SPIDR: variants seen among roughly 807,000 people sequenced by gnomAD.
SPIDR encodes the protein DNA repair-scaffolding protein.
In SPIDR, 93 loss-of-function variants were observed where a neutral mutation model predicts 104.6. That is an observed-to-expected ratio of 0.89 (90% CI 0.75 to 1.06). The LOEUF (loss-of-function observed/expected upper bound fraction) is 1.06, where lower values mean the gene tolerates loss of function less well. Among genes scored for constraint, SPIDR ranks in the 50% least tolerant of loss-of-function variants. The pLI is 0.00. For synonymous variants in SPIDR, 431 were observed against 416.9 expected, an observed-to-expected ratio of 1.03 and a Z score of -0.41; for missense variants, 1,154 against 1,111.2, an observed-to-expected ratio of 1.04 and a Z score of -0.55.
chr8:47,522,981 TA>T (rs1371431877), intron 8 of SPIDR, among the ~76,000 whole-genome samples: 2 of 151,790 alleles, frequency 1.3e-5, no homozygotes, highest in Non-Finnish European at 2.9e-5. Context: ...TCTTTCTTTC[TA>T]TTTTTTATTT....
chr8:47,618,304 A>G (rs2064630502), intron 10 of SPIDR, among the ~76,000 whole-genome samples: 1 of 152,126 alleles, frequency 6.6e-6, no homozygotes, highest in Non-Finnish European at 1.5e-5. Flanking sequence ...GGCTATCATT[A>G]TTCAGTCTTG....
intron 8 of SPIDR, among the ~76,000 whole-genome samples, chr8:47,444,744 T>A: frequency 6.6e-6 from 1 of 152,216 alleles, no homozygotes; most frequent in East Asian, 1.9e-4. Context: ...GATATATGAT[T>A]TCCATAGTAA....
intron 10 of SPIDR, among the ~76,000 whole-genome samples, chr8:47,602,671 G>A (rs1467069572): frequency 6.6e-6 from 1 of 152,110 alleles, no homozygotes; most frequent in Non-Finnish European, 1.5e-5. Context: ...CCCAGTCCTC[G>A]GTCAGTGTCA....
chr8:47,274,843 G>A (rs2036056675), intron 1 of SPIDR, among the ~76,000 whole-genome samples: 1 of 151,194 alleles, frequency 6.6e-6, no homozygotes, highest in African/African-American at 2.4e-5. Flanking sequence ...CAAAGTGCTG[G>A]GATTACAGGC....
At chr8:47,448,261 T>C (rs2071053337) in intron 8 of SPIDR, among the ~76,000 whole-genome samples, 1 of 152,238 alleles carries the variant, frequency 6.6e-6, no homozygotes, top group Admixed American at 6.5e-5. Flanking sequence ...CCTAGAATAA[T>C]GCTTGAAACA....
chr8:47,454,836 C>G (rs1162681396), intron 8 of SPIDR, among the ~76,000 whole-genome samples: 1 of 151,756 alleles, frequency 6.6e-6, no homozygotes, highest in Admixed American at 6.6e-5. Context: ...TGTGAACAGC[C>G]ACTGCATTCC....
At chr8:47,289,882 T>G (rs1034263006) in intron 3 of SPIDR, among the ~76,000 whole-genome samples, 3 of 152,144 alleles carry the variant, frequency 2.0e-5, no homozygotes, top group Non-Finnish European at 2.9e-5. Flanking sequence ...AGGTGAATGA[T>G]TAAACAAACT....
intron 10 of SPIDR, among the ~76,000 whole-genome samples, chr8:47,663,556 A>G (rs149377191): frequency 6.6e-6 from 1 of 152,322 alleles, no homozygotes; most frequent in Non-Finnish European, 1.5e-5. Context: ...ATCTTGTGAC[A>G]CTTACTTCAT....
chr8:47,298,941 C>G (rs1475767900), intron 5 of SPIDR, among the ~76,000 whole-genome samples: 2 of 150,838 alleles, frequency 1.3e-5, no homozygotes, highest in Non-Finnish European at 3.0e-5. Flanking sequence ...ATGCAGGCTC[C>G]TTTTTGGTTC....
chr8:47,642,709 G>A (rs2069366308), intron 10 of SPIDR, among the ~76,000 whole-genome samples: 1 of 151,988 alleles, frequency 6.6e-6, no homozygotes, highest in Admixed American at 6.6e-5. Context: ...AGGAGTCTGA[G>A]ACCAGCCTGG....
intron 7 of SPIDR, among the ~76,000 whole-genome samples, chr8:47,421,072 C>G (rs1339318824): frequency 6.6e-6 from 1 of 152,206 alleles, no homozygotes; most frequent in South Asian, 2.1e-4. Flanking sequence ...TTTGGTGAAT[C>G]TGACAATTAT....
intron 8 of SPIDR, among the ~76,000 whole-genome samples, chr8:47,462,549 A>G (rs1331304674): frequency 6.6e-6 from 1 of 152,220 alleles, no homozygotes; most frequent in African/African-American, 2.4e-5. Flanking sequence ...ATAATGTACT[A>G]AAACTTACGG....
chr8:47,377,342 C>T (rs560503010), intron 5 of SPIDR, among the ~76,000 whole-genome samples: 2 of 152,260 alleles, frequency 1.3e-5, no homozygotes, highest in South Asian at 4.1e-4. Context: ...AAGTTCAGTG[C>T]TTTGCTAGAA....
At chr8:47,421,436 C>G (rs182802342) in intron 7 of SPIDR, among the ~76,000 whole-genome samples, 1 of 152,270 alleles carries the variant, frequency 6.6e-6, no homozygotes, top group African/African-American at 2.4e-5. Flanking sequence ...TCCTGTCGTT[C>G]TCTTGTTGTG....
chr8:47,326,801 C>T (rs1467636806), intron 5 of SPIDR, among the ~76,000 whole-genome samples: 2 of 152,198 alleles, frequency 1.3e-5, no homozygotes, highest in African/African-American at 4.8e-5. Context: ...CTTTTTATAG[C>T]TGGATAATGT....
chr8:47,523,395 A>C (rs1271945626), intron 8 of SPIDR, among the ~76,000 whole-genome samples: 2 of 152,212 alleles, frequency 1.3e-5, no homozygotes, highest in Non-Finnish European at 1.5e-5. Context: ...TGGACTGAGA[A>C]CTTGGCTTAG....
chr8:47,327,926 G>A (rs1284076783), intron 5 of SPIDR, among the ~76,000 whole-genome samples: 3 of 151,562 alleles, frequency 2.0e-5, no homozygotes, highest in African/African-American at 7.3e-5. Context: ...TTGAACCCCT[G>A]AGCTGAAGCG....
chr8:47,674,503 G>A (rs1235095306), intron 11 of SPIDR, among the ~76,000 whole-genome samples: 4 of 150,996 alleles, frequency 2.6e-5, no homozygotes, highest in Non-Finnish European at 4.4e-5. Flanking sequence ...TGAATTAGGG[G>A]GAAAAAAAAA....
intron 8 of SPIDR, among the ~76,000 whole-genome samples, chr8:47,565,489 A>G (rs188862696): frequency 9.3e-4 from 141 of 152,296 alleles, no homozygotes; most frequent in African/African-American, 3.3e-3. Flanking sequence ...TTTAAATATT[A>G]CCATTAAAAT....
Sources: allele counts gnomAD v4.1 joint callset (sites outside exome capture counted in the v4.1 genomes callset), GRCh38; gene constraint gnomAD v4.1.1; transcripts MANE v1.5; gene names NCBI Gene and HGNC (gene_info 2026-07-23, HGNC 2026-07-21).